Variants in IPO11 observed in about 807,000 individuals in gnomAD.
The protein encoded by IPO11 is importin-11.
A neutral mutation model predicts 143.2 loss-of-function variants in IPO11; 66 were observed. The observed-to-expected ratio is 0.46, with a 90% CI of 0.38 to 0.57. The LOEUF (loss-of-function observed/expected upper bound fraction) is 0.57, where lower values mean the gene tolerates loss of function less well. Among genes scored for constraint, IPO11 ranks in the 20% least tolerant of loss-of-function variants. The pLI is 0.00. For missense variants in IPO11, 1,026 were observed against 1,141.0 expected, an observed-to-expected ratio of 0.90 and a Z score of 1.45; for synonymous variants, 385 against 377.8, an observed-to-expected ratio of 1.02 and a Z score of -0.22.
At chr5:62,553,096 T>G (rs1027820076) in intron 26 of IPO11, among the ~76,000 whole-genome samples, 12 of 152,066 alleles carry the variant, frequency 7.9e-5, no homozygotes, top group African/African-American at 2.7e-4. Context: ...AACCAATATC[T>G]CTCTCTCTCC....
chr5:62,625,201 T>C (rs1024681097), intron 29 of IPO11, among the ~76,000 whole-genome samples: 9 of 152,196 alleles, frequency 5.9e-5, no homozygotes, highest in Admixed American at 4.6e-4. Flanking sequence ...TGGGAAACTT[T>C]GTTTCAAGGA....
At position 62,484,211 on chromosome 5, in the gene IPO11, A is replaced by C. The variant is rs773563675; in HGVS notation, c.1174+49A>C. Reference sequence around the variant, plus strand: ...AGAATGACTTTTCTCCCCTTTCTATAAATATCTGTTTGAGTGATAGGTATA... The same window carrying C: ...AGAATGACTTTTCTCCCCTTTCTATCAATATCTGTTTGAGTGATAGGTATA... On this transcript the variant is annotated intron_variant, in intron 11 of 29. Coordinates refer to ENST00000325324, the MANE Select transcript of IPO11 (RefSeq NM_016338.5). 99 of 1,477,612 alleles carry C rather than the reference A, an allele frequency of 6.7e-5. 2 individuals carry two copies. The South Asian group carries it at 1.2e-3, about 18-fold the overall frequency. 91.5% of individuals were successfully genotyped at this position (1,477,612 alleles called of 1,614,324 possible). A position where few individuals can be genotyped will look rare whatever the true frequency, so the allele number is the denominator to read the frequency against.
At chr5:62,535,550 T>A (rs1469232584) in intron 22 of IPO11, among the ~76,000 whole-genome samples, 1 of 152,200 alleles carries the variant, frequency 6.6e-6, no homozygotes, top group Non-Finnish European at 1.5e-5. Context: ...TTTTGGTTTT[T>A]TTATGTCTTT....
At chr5:62,601,687 A>T in intron 28 of IPO11, 77 bp from the exon 29 acceptor site, 1 of 616,472 alleles carries the variant, frequency 1.6e-6, no homozygotes, top group Non-Finnish European at 2.6e-6. Flanking sequence ...TCATGTTCTT[A>T]GTGATTTTAA....
chr5:62,590,716 G>A (rs1172261525), intron 27 of IPO11, among the ~76,000 whole-genome samples: 1 of 152,068 alleles, frequency 6.6e-6, no homozygotes, highest in East Asian at 1.9e-4. Context: ...ATAAAAGTCT[G>A]TAAAGTCTGC....
In IPO11 at chr5:62,538,568, C is replaced by G. The variant is rs563862579; in HGVS notation, c.2250+1279C>G. ...TCCTGCTGCCCTGTGAAGAAGATGC[C>G]TTGCCTCCCTTTCACCTTCTGCCTT... On this transcript the variant is annotated intron_variant, in intron 24 of 29. Transcript: ENST00000325324. Among the ~76,000 whole-genome samples, 20 of 152,308 alleles carry G rather than the reference C, an allele frequency of 1.3e-4. No homozygotes were observed. The East Asian group carries it at 3.9e-3, about 29-fold the overall frequency.
intron 27 of IPO11, among the ~76,000 whole-genome samples, chr5:62,585,259 G>A (rs1428460233): frequency 1.3e-5 from 2 of 152,128 alleles, no homozygotes; most frequent in East Asian, 3.9e-4. Flanking sequence ...GTTTCCTCAA[G>A]CTTTGGCTTT....
At chr5:62,499,013 A>G (rs1011393489) in intron 16 of IPO11, among the ~76,000 whole-genome samples, 2 of 152,250 alleles carry the variant, frequency 1.3e-5, no homozygotes, top group African/African-American at 2.4e-5. Context: ...TGGTATAATC[A>G]GAAAGCGTGT....
At chr5:62,508,991 A>G (rs1741657796) in intron 19 of IPO11, among the ~76,000 whole-genome samples, 1 of 152,212 alleles carries the variant, frequency 6.6e-6, no homozygotes, top group Admixed American at 6.5e-5. Flanking sequence ...TTGCAGGGAC[A>G]TGGATGAAGC....
At chr5:62,515,553 C>T in intron 20 of IPO11, 52 bp downstream of exon 20, 2 of 1,151,380 alleles carry the variant, frequency 1.7e-6, no homozygotes, top group South Asian at 1.7e-5. Flanking sequence ...TTAAAAAATT[C>T]TTTTAACCAT....
intron 6 of IPO11, among the ~76,000 whole-genome samples, 197 bp downstream of exon 6, chr5:62,467,460 TATA>T (rs34542713): frequency 0.47 from 70,730 of 151,798 alleles, 16,626 homozygotes; most frequent in South Asian, 0.53. Flanking sequence ...TGAAAGCACA[TATA>T]ATAAGTTGAA....
At chr5:62,433,455 A>G (rs1001925181) in intron 1 of IPO11, among the ~76,000 whole-genome samples, 1 of 152,208 alleles carries the variant, frequency 6.6e-6, no homozygotes, top group Non-Finnish European at 1.5e-5. Context: ...GCCAACTGGT[A>G]TGGTAGAAAC....
In IPO11 at chr5:62,449,935, C is replaced by A; in HGVS notation, c.248C>A (p.Ser83Ter). Residue 83 changes from serine (S) to a stop codon, truncating the protein, a stop_gained, in exon 4 of 30, where the codon TCA (serine) becomes TAA (stop). Transcript: ENST00000325324. LOFTEE classifies it high-confidence loss of function. The stretch of plus-strand genomic sequence containing the variant: ...CTTTTTTTTTTTTACAGTGCTCTCT[C>A]AGAGGAGGAGAAAACTACTCTGCGT... ...YWRRVAPHAL[S>*]EEEKTTLRAG... 1 of 1,575,352 alleles carries A rather than the reference C, an allele frequency of 6.3e-7. No homozygotes were observed. The highest frequency in any genetic ancestry group is 8.6e-7 in the Non-Finnish European group (1 of 1,162,178).
At chr5:62,614,510 T>C (rs1030849813) in intron 29 of IPO11, among the ~76,000 whole-genome samples, 5 of 152,204 alleles carry the variant, frequency 3.3e-5, no homozygotes, top group African/African-American at 1.2e-4. Flanking sequence ...ACTGAAATGC[T>C]GAAGAGTTAC....
intron 3 of IPO11, among the ~76,000 whole-genome samples, chr5:62,448,899 C>T (rs375885336): frequency 3.3e-5 from 5 of 152,022 alleles, no homozygotes; most frequent in African/African-American, 1.2e-4. Context: ...TGTAGTAATA[C>T]GTTAATTCTG....
chr5:62,533,910 C>T (rs1211226043), intron 22 of IPO11, among the ~76,000 whole-genome samples: 1 of 150,192 alleles, frequency 6.7e-6, no homozygotes, highest in Admixed American at 6.7e-5. Context: ...TTACTCTGCT[C>T]TTGCATTCCA....
intron 28 of IPO11, among the ~76,000 whole-genome samples, chr5:62,594,598 C>T (rs1157621249): frequency 2.0e-5 from 3 of 152,200 alleles, no homozygotes; most frequent in Non-Finnish European, 2.9e-5. Context: ...GAAACAGGCT[C>T]GCTGATACAC....
intron 19 of IPO11, 41 bp downstream of exon 19, chr5:62,506,398 T>G: frequency 8.7e-6 from 8 of 915,396 alleles, no homozygotes; most frequent in Non-Finnish European, 1.4e-5. Context: ...GAGGGGTGGG[T>G]AGAATAGACG....
intron 5 of IPO11, 148 bp from the exon 6 acceptor site, chr5:62,466,983 A>C: frequency 1.3e-6 from 1 of 747,654 alleles, no homozygotes; most frequent in South Asian, 2.0e-5. Context: ...AAAAGTATGA[A>C]ACATTGCCAC....
Sources: allele counts gnomAD v4.1 joint callset (sites outside exome capture counted in the v4.1 genomes callset), GRCh38; gene constraint gnomAD v4.1.1; transcripts MANE v1.5; gene names NCBI Gene and HGNC (gene_info 2026-07-23, HGNC 2026-07-21).